CLIC5: variants seen among roughly 807,000 people sequenced by gnomAD.
The protein encoded by CLIC5 is CLIC family member 5.
In CLIC5, 20 loss-of-function variants were observed where a neutral mutation model predicts 24.7. That is an observed-to-expected ratio of 0.81 (90% confidence interval 0.57 to 1.18). The LOEUF is 1.18. CLIC5 is among the 50% of genes most tolerant of loss of function. The probability of loss-of-function intolerance (pLI) is 0.00; values close to 1 mark genes in which losing one functional copy is unlikely to be tolerated. For missense variants in CLIC5, 341 were observed against 326.1 expected (o/e 1.05, Z -0.35); for synonymous variants, 159 against 135.6 (o/e 1.17, Z -1.20).
intron 1 of CLIC5, among the ~76,000 whole-genome samples, chr6:45,990,081 C>T (rs1165742802): frequency 6.6e-6 from 1 of 152,192 alleles, no homozygotes; most frequent in African/African-American, 2.4e-5. Context: ...CTCTTCTCCT[C>T]ATCTGGAAAG....
At chr6:46,027,290 A>G (rs1767361229) in intron 1 of CLIC5, among the ~76,000 whole-genome samples, 1 of 152,242 alleles carries the variant, frequency 6.6e-6, no homozygotes, top group Admixed American at 6.5e-5. Flanking sequence ...ATTTAAGCCC[A>G]GACCTGAAAG....
intron 4 of CLIC5, among the ~76,000 whole-genome samples, chr6:45,935,948 C>CAAT (rs963637899): frequency 2.0e-5 from 3 of 152,164 alleles, no homozygotes; most frequent in African/African-American, 7.2e-5. Context: ...ACAACAACAA[C>CAAT]AATAAAGCTT....
intron 1 of CLIC5, among the ~76,000 whole-genome samples, chr6:45,995,079 C>T (rs145931602): frequency 4.8e-4 from 73 of 152,134 alleles, no homozygotes; most frequent in Non-Finnish European, 9.1e-4. Context: ...CTCAAGGTGG[C>T]CAGGAACACT....
At position 45,913,574 on chromosome 6, in the gene CLIC5, T is replaced by C. The variant is rs115620898; in HGVS notation, c.588+654A>G. Among the ~76,000 whole-genome samples the C allele has an allele frequency of 3.0e-3, 459 of 152,214 alleles. 1 individual carries two copies. Among genetic ancestry groups the C allele is most frequent in the African/African-American group, 9.2e-3 (384 of 41,544 alleles). On this transcript the variant is annotated intron_variant, in intron 5 of 5. Coordinates refer to ENST00000339561, the MANE Select transcript of CLIC5 (RefSeq NM_016929.5). ...AGCCTGTCACAGAAACAGCAGAAAG[T>C]GGTCCAGGTTGAAGTGGGAGATTGT...
chr6:46,019,671 C>T (rs1271388575), upstream of CLIC5, among the ~76,000 whole-genome samples: 8 of 126,340 alleles, frequency 6.3e-5, no homozygotes, highest in African/African-American at 2.1e-4. Context: ...CCGGCCTGGG[C>T]GACAGAGCGA....
chr6:45,949,840 G>A (rs549361722), intron 2 of CLIC5, among the ~76,000 whole-genome samples: 28 of 152,160 alleles, frequency 1.8e-4, no homozygotes, highest in African/African-American at 6.7e-4. Flanking sequence ...CAAAAAATTG[G>A]GAGTTTGGGC....
chr6:46,121,138 C>A, the CLIC5 span, among the ~76,000 whole-genome samples: 2 of 151,930 alleles, frequency 1.3e-5, no homozygotes, highest in African/African-American at 4.8e-5. Flanking sequence ...GTCAAATTCA[C>A]CAAAGTTGAA....
At chr6:45,958,439 T>TATACACACACACACACACAC (rs1554151278) in intron 1 of CLIC5, among the ~76,000 whole-genome samples, 10 of 12,396 alleles carry the variant, frequency 8.1e-4, no homozygotes, top group East Asian at 2.3e-3. Flanking sequence ...TATATATATA[T>TATACACACACACACACACAC]ATATATATAT....
chr6:45,954,272 C>CAAAAAAAAAAAAAAAAAAA (rs11311720), intron 2 of CLIC5, among the ~76,000 whole-genome samples: 3 of 76,538 alleles, frequency 3.9e-5, no homozygotes, highest in Non-Finnish European at 5.6e-5. Context: ...GACTCTGTCT[C>CAAAAAAAAAAAAAAAAAAA]AAAAAAAAAA....
the CLIC5 span, among the ~76,000 whole-genome samples, chr6:46,118,457 C>A: frequency 1.3e-5 from 2 of 152,150 alleles, no homozygotes; most frequent in Non-Finnish European, 2.9e-5. Context: ...TTATGGGGCA[C>A]AACAGGCATA....
At chr6:46,101,527 C>CA in the CLIC5 span, among the ~76,000 whole-genome samples, 1 of 152,122 alleles carries the variant, frequency 6.6e-6, no homozygotes, top group East Asian at 1.9e-4. Context: ...AATCAAAAGA[C>CA]AAAAAGCAAG....
chr6:46,075,626 C>A (rs552579877), intron 1 of CLIC5, among the ~76,000 whole-genome samples: 1 of 152,102 alleles, frequency 6.6e-6, no homozygotes, highest in African/African-American at 2.4e-5. Context: ...AGACATATTC[C>A]GCTTCCATAA....
chr6:45,931,120 A>G (rs1024016812), intron 4 of CLIC5, among the ~76,000 whole-genome samples: 6 of 152,226 alleles, frequency 3.9e-5, no homozygotes, highest in African/African-American at 1.2e-4. Context: ...ATGATGTTTT[A>G]TTGGAACACA....
the CLIC5 span, among the ~76,000 whole-genome samples, chr6:46,089,831 C>T: frequency 6.6e-6 from 1 of 152,134 alleles, no homozygotes; most frequent in Non-Finnish European, 1.5e-5. Flanking sequence ...CTTTGTATTC[C>T]ATTTATTATT....
At chr6:46,013,782 C>T (rs1766890416) in intron 1 of CLIC5, among the ~76,000 whole-genome samples, 1 of 152,164 alleles carries the variant, frequency 6.6e-6, no homozygotes, top group South Asian at 2.1e-4. Context: ...TTTCAAATAT[C>T]TTTCAGAAAC....
chr6:45,892,298 C>T (rs1316104191), intron 6 of CLIC5: 1 of 152,202 alleles, frequency 6.6e-6, no homozygotes, highest in Admixed American at 6.5e-5. Flanking sequence ...TAAGCATGTA[C>T]TACTTACCAT....
At chr6:45,912,305 T>A in intron 5 of CLIC5, 1 of 1,005,414 alleles carries the variant, frequency 9.9e-7, no homozygotes, top group East Asian at 9.6e-5. Flanking sequence ...TTGGCCATCT[T>A]CTTTTTGATC....
chr6:46,074,153 C>T (rs931890612), intron 1 of CLIC5, among the ~76,000 whole-genome samples: 8 of 152,128 alleles, frequency 5.3e-5, no homozygotes, highest in Non-Finnish European at 8.8e-5. Flanking sequence ...TATTTACTCA[C>T]TTACAAATTA....
chr6:45,998,091 C>A (rs756121541), intron 1 of CLIC5, among the ~76,000 whole-genome samples: 2 of 152,210 alleles, frequency 1.3e-5, no homozygotes, highest in African/African-American at 2.4e-5. Context: ...TCCTTGGGAG[C>A]GGTTGTCTGG....
Sources: allele counts gnomAD v4.1 joint callset (sites outside exome capture counted in the v4.1 genomes callset), GRCh38; gene constraint gnomAD v4.1.1; transcripts MANE v1.5; gene names NCBI Gene and HGNC (gene_info 2026-07-23, HGNC 2026-07-21).